The following VSNL1 variants were observed in gnomAD, a reference collection of about 807,000 sequenced individuals.
VSNL1 encodes visinin-like protein 1.
In VSNL1, 6 loss-of-function variants were observed where a neutral mutation model predicts 20.4. The ratio of observed to expected loss-of-function variants is 0.29; its 90% CI spans 0.16 to 0.58. The LOEUF is 0.58. VSNL1 is among the 20% of genes least tolerant of loss of function. VSNL1 has a pLI of 0.90. For synonymous variants in VSNL1, 93 were observed against 86.4 expected, an observed-to-expected ratio of 1.08 and a Z score of -0.42; for missense variants, 100 against 234.5, an observed-to-expected ratio of 0.43 and a Z score of 3.75.
At chr2:17,616,587 A>G (rs1386267986) in intron 2 of VSNL1, among the ~76,000 whole-genome samples, 1 of 152,218 alleles carries the variant, frequency 6.6e-6, no homozygotes, top group Non-Finnish European at 1.5e-5. Context: ...TAAACAGCCA[A>G]GCTTGGCCAC....
intron 2 of VSNL1, among the ~76,000 whole-genome samples, chr2:17,618,967 G>GA (rs2103400342): frequency 6.6e-6 from 1 of 152,214 alleles, no homozygotes; most frequent in Admixed American, 6.5e-5. Context: ...ATGATCCAGT[G>GA]AATCAGTGGT....
intron 1 of VSNL1, among the ~76,000 whole-genome samples, chr2:17,572,403 C>T (rs1303338208): frequency 6.6e-6 from 1 of 151,880 alleles, no homozygotes; most frequent in Admixed American, 6.6e-5. Context: ...AGAGAACATC[C>T]AGGGCAGAGG....
chr2:17,654,383 T>C (rs936384993), intron 3 of VSNL1, among the ~76,000 whole-genome samples: 3 of 152,230 alleles, frequency 2.0e-5, no homozygotes, highest in African/African-American at 7.2e-5. Context: ...TCAATTTTAA[T>C]GGTACAACTG....
At chr2:17,618,826 A>T (rs1665281197) in intron 2 of VSNL1, among the ~76,000 whole-genome samples, 1 of 152,328 alleles carries the variant, frequency 6.6e-6, no homozygotes, top group East Asian at 1.9e-4. Flanking sequence ...TGAGGAGTTC[A>T]GTGAATTGGG....
In VSNL1 at chr2:17,649,668, A is replaced by G. The variant is rs201664571; in HGVS notation, c.378+43A>G. 2 of 1,599,316 alleles carry G rather than the reference A, an allele frequency of 1.3e-6. No homozygotes were observed. The highest frequency in any genetic ancestry group is 2.7e-5 in the African/African-American group (2 of 74,704). On this transcript the variant is annotated intron_variant, in intron 3 of 3. Transcript: ENST00000295156. The surrounding 1 kb of genome is among the most constrained non-coding windows in gnomAD (Gnocchi z 6.4). ...GTTGGCGGGTGGTGGGCACAGAAGGAGACCCCACGGCAGCCTCCTAGGTGC... is the reference window on the plus strand; with the variant it reads ...GTTGGCGGGTGGTGGGCACAGAAGGGGACCCCACGGCAGCCTCCTAGGTGC...
chr2:17,570,921 C>G (rs1664066837), intron 1 of VSNL1, among the ~76,000 whole-genome samples: 1 of 151,874 alleles, frequency 6.6e-6, no homozygotes, highest in Non-Finnish European at 1.5e-5. Context: ...GTAATCCTGG[C>G]TATGTGGGAG....
At chr2:17,616,001 G>A (rs1665208486) in intron 2 of VSNL1, among the ~76,000 whole-genome samples, 2 of 152,214 alleles carry the variant, frequency 1.3e-5, no homozygotes, top group Middle Eastern at 3.2e-3. Flanking sequence ...ATCCTCCCCT[G>A]CAGGGCTTGG....
At chr2:17,621,620 C>T (rs181506002) in intron 2 of VSNL1, among the ~76,000 whole-genome samples, 3 of 152,076 alleles carry the variant, frequency 2.0e-5, no homozygotes, top group African/African-American at 7.2e-5. Flanking sequence ...CACCGTGCCT[C>T]TACTCTTTTG....
chr2:17,591,983 G>A (rs1664602162), intron 1 of VSNL1, 87 bp from the exon 2 acceptor site: 2 of 1,481,768 alleles, frequency 1.3e-6, no homozygotes, highest in East Asian at 4.6e-5. Context: ...CCGACCATGG[G>A]ACTGCTCAGA....
chr2:17,642,173 C>T (rs1483163316), intron 2 of VSNL1, among the ~76,000 whole-genome samples: 2 of 152,060 alleles, frequency 1.3e-5, no homozygotes, highest in Non-Finnish European at 2.9e-5. Context: ...TTTACCCATC[C>T]GAATATAGTA....
At chr2:17,569,610 T>C (rs1040665360) in intron 1 of VSNL1, among the ~76,000 whole-genome samples, 2 of 152,168 alleles carry the variant, frequency 1.3e-5, no homozygotes, top group East Asian at 1.9e-4. Flanking sequence ...GTTACCTCAC[T>C]GTGCTCCATT....
intron 1 of VSNL1, among the ~76,000 whole-genome samples, chr2:17,566,858 C>T (rs529367389): frequency 4.6e-5 from 7 of 152,268 alleles, no homozygotes; most frequent in Admixed American, 4.6e-4. Context: ...GTTATCCTAA[C>T]ACAGTTTTAT....
At chr2:17,571,669 C>G (rs1410633624) in intron 1 of VSNL1, among the ~76,000 whole-genome samples, 1 of 152,174 alleles carries the variant, frequency 6.6e-6, no homozygotes, top group African/African-American at 2.4e-5. Context: ...GGTTCCTGCC[C>G]TCTTGGAGCT....
At chr2:17,549,556 A>T (rs1470986829) in intron 1 of VSNL1, among the ~76,000 whole-genome samples, 1 of 152,206 alleles carries the variant, frequency 6.6e-6, no homozygotes, top group Non-Finnish European at 1.5e-5. Flanking sequence ...TTCATTCTAG[A>T]TCAAGTGCAT....
intron 2 of VSNL1, among the ~76,000 whole-genome samples, chr2:17,633,619 C>G (rs1171285432): frequency 6.6e-6 from 1 of 152,076 alleles, no homozygotes; most frequent in African/African-American, 2.4e-5. Flanking sequence ...TATTGAATAT[C>G]CATTGTGTTC....
intron 2 of VSNL1, among the ~76,000 whole-genome samples, chr2:17,635,503 T>C (rs994488207): frequency 6.6e-6 from 1 of 152,206 alleles, no homozygotes; most frequent in Non-Finnish European, 1.5e-5. Context: ...CTCCTTCTCC[T>C]AGGAGTTCTA....
chr2:17,582,256 G>A (rs76821552), intron 1 of VSNL1, among the ~76,000 whole-genome samples: 2,994 of 152,226 alleles, frequency 0.02, 77 homozygotes, highest in Non-Finnish European at 0.023. Flanking sequence ...GGAGGCTGGA[G>A]GGAAAGTGTA....
At chr2:17,572,315 G>C (rs542591779) in intron 1 of VSNL1, among the ~76,000 whole-genome samples, 2 of 152,244 alleles carry the variant, frequency 1.3e-5, no homozygotes, top group African/African-American at 2.4e-5. Context: ...GGAGGCACTT[G>C]TTTTTATTTT....
chr2:17,641,934 T>G (rs1319236338), intron 2 of VSNL1, among the ~76,000 whole-genome samples: 1 of 152,210 alleles, frequency 6.6e-6, no homozygotes, highest in East Asian at 1.9e-4. Context: ...CAATGACAAA[T>G]CCAAAGTCAT....
Sources: gnomAD v4.1 joint callset for allele counts (sites outside exome capture counted in the v4.1 genomes callset) on GRCh38, gnomAD v4.1.1 for gene constraint, Gnocchi (gnomAD v3.1) non-coding constraint, MANE v1.5 for transcripts, NCBI Gene and HGNC (gene_info 2026-07-23, HGNC 2026-07-21) for gene names.